The following RALGPS1 variants were observed in gnomAD, a reference collection of about 807,000 sequenced individuals.
RALGPS1 encodes the protein ras-specific guanine nucleotide-releasing factor RalGPS1.
In RALGPS1, 19 loss-of-function variants were observed where a neutral mutation model predicts 78.8. That is an observed-to-expected ratio of 0.24 (90% CI 0.17 to 0.35). The LOEUF (loss-of-function observed/expected upper bound fraction) is 0.35, where lower values mean the gene tolerates loss of function less well. Among genes scored for constraint, RALGPS1 ranks in the 10% least tolerant of loss-of-function variants. The probability of loss-of-function intolerance (pLI) is 1.00; values close to 1 mark genes in which losing one functional copy is unlikely to be tolerated. For missense variants in RALGPS1, 454 were observed against 688.3 expected (o/e 0.66, Z 3.81); for synonymous variants, 228 against 256.3 (o/e 0.89, Z 1.06).
In RALGPS1 at chr9:126,984,753, T is replaced by A. The variant is rs1056389605; in HGVS notation, c.216+7008T>A. ...TCCCACTCATTTTTGATCACTTCCC[T>A]GCTTTTTGGCCCAACAAGATCCCCA... On this transcript the variant is annotated intron_variant, in intron 4 of 18. Coordinates refer to ENST00000259351, the MANE Select transcript of RALGPS1 (RefSeq NM_014636.3). Among the ~76,000 whole-genome samples the A allele has an allele frequency of 3.3e-5, 5 of 152,232 alleles. No individual in the cohort carries two copies. The East Asian group carries it at 9.6e-4, about 29-fold the overall frequency.
At chr9:127,017,608 G>A (rs2044977577) in intron 4 of RALGPS1, among the ~76,000 whole-genome samples, 1 of 152,036 alleles carries the variant, frequency 6.6e-6, no homozygotes, top group African/African-American at 2.4e-5. Context: ...TTAGCTTACT[G>A]TAACTTTTTT....
intron 18 of RALGPS1, chr9:127,217,854 A>C (rs1452387710): frequency 6.6e-6 from 1 of 152,194 alleles, no homozygotes; most frequent in Non-Finnish European, 1.5e-5. Context: ...TGTTCCTAGG[A>C]TTCATCTGTG....
intron 8 of RALGPS1, among the ~76,000 whole-genome samples, chr9:127,072,758 T>C (rs548978532): frequency 1.3e-5 from 2 of 152,362 alleles, no homozygotes; most frequent in East Asian, 1.9e-4. Context: ...AGTCCCCTTA[T>C]ATTTCTAGTA....
At chr9:127,179,079 C>T (rs541928225) in intron 11 of RALGPS1, among the ~76,000 whole-genome samples, 4 of 152,356 alleles carry the variant, frequency 2.6e-5, no homozygotes, top group Non-Finnish European at 4.4e-5. Context: ...AGTGGGCTGA[C>T]TGCTGACTCG....
At chr9:127,136,091 T>G (rs911057416) in intron 8 of RALGPS1, among the ~76,000 whole-genome samples, 1 of 152,120 alleles carries the variant, frequency 6.6e-6, no homozygotes, top group African/African-American at 2.4e-5. Flanking sequence ...CTCAATAAAG[T>G]AGTAACGACT....
intron 1 of RALGPS1, among the ~76,000 whole-genome samples, chr9:126,934,122 G>T (rs1249799165): frequency 1.3e-5 from 2 of 152,188 alleles, no homozygotes. Context: ...GACAGGATTT[G>T]CCACCTGATT....
intron 8 of RALGPS1, among the ~76,000 whole-genome samples, chr9:127,076,294 C>G (rs1274642066): frequency 6.6e-6 from 1 of 152,116 alleles, no homozygotes; most frequent in African/African-American, 2.4e-5. Flanking sequence ...CAGGAAATAA[C>G]TAAATTAGAA....
intron 18 of RALGPS1, 142 bp downstream of exon 18, chr9:127,214,984 C>A: frequency 7.1e-7 from 1 of 1,403,714 alleles, no homozygotes. Flanking sequence ...TCAGCATCTT[C>A]CCTTGAGACA....
At chr9:127,141,210 A>G (rs975094246) in intron 8 of RALGPS1, among the ~76,000 whole-genome samples, 3 of 151,918 alleles carry the variant, frequency 2.0e-5, no homozygotes, top group African/African-American at 7.3e-5. Flanking sequence ...AGGGAATGCC[A>G]GGGGTTGTGG....
At chr9:126,924,614 A>C (rs949142375) in intron 1 of RALGPS1, among the ~76,000 whole-genome samples, 1 of 152,200 alleles carries the variant, frequency 6.6e-6, no homozygotes, top group Admixed American at 6.5e-5. Flanking sequence ...CCCCAGTTTT[A>C]ATATCTGAGA....
At chr9:126,938,296 T>C (rs2036448043) in intron 1 of RALGPS1, among the ~76,000 whole-genome samples, 1 of 152,238 alleles carries the variant, frequency 6.6e-6, no homozygotes, top group Admixed American at 6.5e-5. Context: ...CCTGAGGAGC[T>C]CTGTCTAATC....
At chr9:127,096,074 A>G (rs946429) in intron 8 of RALGPS1, among the ~76,000 whole-genome samples, 3,720 of 152,134 alleles carry the variant, frequency 0.024, 56 homozygotes, top group Middle Eastern at 0.051. Context: ...GCAGGACCCA[A>G]TGCTCCCCAC....
At chr9:127,216,159 G>C (rs1168008533) in intron 18 of RALGPS1, 1 of 152,218 alleles carries the variant, frequency 6.6e-6, no homozygotes, top group Non-Finnish European at 1.5e-5. Flanking sequence ...ACAGGTCCTA[G>C]GGCTCTGTGC....
In RALGPS1 at chr9:127,223,117, A is replaced by T. The variant is rs1304683914; in HGVS notation, c.*4348A>T. ...ATTATTTCACTAATTAAATACTTTA[A>T]TGTACAAACATCTTTGTTTACTTTG... On this transcript the variant is annotated 3_prime_UTR_variant, in exon 19 of 19. Transcript: ENST00000259351. 2 of 152,682 alleles carry T rather than the reference A, an allele frequency of 1.3e-5. No individual in the cohort carries two copies. The highest frequency in any genetic ancestry group is 4.8e-5 in the African/African-American group (2 of 41,464). 9.5% of individuals were successfully genotyped at this position (152,682 alleles called of 1,614,324 possible).
chr9:127,148,038 A>G (rs533328401), intron 8 of RALGPS1, among the ~76,000 whole-genome samples: 1 of 152,384 alleles, frequency 6.6e-6, no homozygotes, highest in African/African-American at 2.4e-5. Flanking sequence ...CAGTAGGTAT[A>G]AAACCCTGAG....
At chr9:126,980,419 T>C (rs1327343729) in intron 4 of RALGPS1, among the ~76,000 whole-genome samples, 2 of 152,296 alleles carry the variant, frequency 1.3e-5, no homozygotes, top group East Asian at 1.9e-4. Flanking sequence ...TTAAAAAAAT[T>C]ACAAATGCCT....
chr9:127,036,329 G>A (rs144918240), intron 5 of RALGPS1, among the ~76,000 whole-genome samples: 2 of 152,186 alleles, frequency 1.3e-5, no homozygotes, highest in South Asian at 2.1e-4. Context: ...ACTCGTTGGC[G>A]TCCCTTCCTG....
intron 5 of RALGPS1, 119 bp from the exon 6 acceptor site, chr9:127,049,924 C>A: frequency 1.3e-6 from 1 of 746,678 alleles, no homozygotes; most frequent in Non-Finnish European, 2.4e-6. Flanking sequence ...TATCCTCTCC[C>A]AGTTTCCTGA....
intron 4 of RALGPS1, among the ~76,000 whole-genome samples, chr9:127,027,917 C>T (rs902789567): frequency 2.0e-5 from 3 of 152,210 alleles, no homozygotes; most frequent in East Asian, 3.8e-4. Context: ...CCTATCTCAT[C>T]GTCTTGTTTG....
Sources: gnomAD v4.1 joint callset for allele counts (sites outside exome capture counted in the v4.1 genomes callset) on GRCh38, gnomAD v4.1.1 for gene constraint, MANE v1.5 for transcripts, NCBI Gene and HGNC (gene_info 2026-07-23, HGNC 2026-07-21) for gene names.